The following GPR176 variants were observed in gnomAD, a reference collection of about 807,000 sequenced individuals.
The protein encoded by GPR176 is G-protein coupled receptor 176.
GPR176 carries 26 observed loss-of-function variants against 35.4 expected under a neutral mutation model. That is an observed-to-expected ratio of 0.74 (90% CI 0.54 to 1.02). GPR176 has a LOEUF of 1.02. GPR176 is among the 50% of genes least tolerant of loss of function. The pLI, the probability that GPR176 is intolerant of heterozygous loss-of-function variation, is 0.00. For missense variants in GPR176, 597 were observed against 665.3 expected (o/e 0.90, Z 1.13); for synonymous variants, 278 against 271.3 (o/e 1.02, Z -0.24).
At chr15:39,901,810 A>G (rs1244336756) in intron 1 of GPR176, among the ~76,000 whole-genome samples, 1 of 152,058 alleles carries the variant, frequency 6.6e-6, no homozygotes, top group Non-Finnish European at 1.5e-5. Flanking sequence ...ACGGTGGCTC[A>G]CACCTGTAAT....
chr15:39,829,158 C>A, intron 1 of GPR176: 2 of 1,530,450 alleles, frequency 1.3e-6, no homozygotes, highest in South Asian at 2.4e-5. Flanking sequence ...GGGATGTGAT[C>A]ACTACGTCAC....
rs546024617 is a variant in GPR176 at position 39,870,390 on chromosome 15, T to A, written c.172+49465A>T. Among the ~76,000 whole-genome samples, 4 of 152,340 alleles carry A rather than the reference T, an allele frequency of 2.6e-5. No individual in the cohort carries two copies. In the South Asian group the frequency reaches 8.3e-4, roughly 32 times the overall value. On this transcript the variant is annotated intron_variant, in intron 1 of 2. Coordinates refer to ENST00000561100, the MANE Select transcript of GPR176 (RefSeq NM_007223.3). ...GGGGGCTATAGCAACTCCATCCATT[T>A]CTATTCCCTTCAAGAGAGCAGCAAA... is the stretch of plus-strand genomic sequence containing the variant.
chr15:39,817,948 A>G (rs1274248520), intron 1 of GPR176, among the ~76,000 whole-genome samples: 1 of 152,246 alleles, frequency 6.6e-6, no homozygotes, highest in Non-Finnish European at 1.5e-5. Context: ...TTTTAACAAT[A>G]TTGTTCTTTA....
chr15:39,872,460 G>C (rs975518653), intron 1 of GPR176, among the ~76,000 whole-genome samples: 6 of 152,168 alleles, frequency 3.9e-5, no homozygotes, highest in African/African-American at 1.2e-4. Flanking sequence ...ATTGTTAAGA[G>C]ATCAAAATAG....
chr15:39,870,917 G>A (rs1566957624), intron 1 of GPR176, among the ~76,000 whole-genome samples: 1 of 152,090 alleles, frequency 6.6e-6, no homozygotes, highest in African/African-American at 2.4e-5. Context: ...CCAACAACTT[G>A]AATGGGCTTG....
intron 1 of GPR176, among the ~76,000 whole-genome samples, chr15:39,888,337 G>A (rs371751673): frequency 6.6e-6 from 1 of 152,282 alleles, no homozygotes; most frequent in East Asian, 1.9e-4. Context: ...TCAGGCTGGA[G>A]TGTAGCGACA....
chr15:39,865,512 A>T (rs1408364403), intron 1 of GPR176, among the ~76,000 whole-genome samples: 1 of 152,108 alleles, frequency 6.6e-6, no homozygotes, highest in African/African-American at 2.4e-5. Context: ...GTACACATGG[A>T]GGTAGAGCAT....
chr15:39,808,330 C>T (rs1899328272), intron 1 of GPR176, among the ~76,000 whole-genome samples: 2 of 152,186 alleles, frequency 1.3e-5, no homozygotes. Context: ...CCTTCCTTCC[C>T]CTGGCTTGCT....
chr15:39,884,333 T>C (rs745349546), intron 1 of GPR176, among the ~76,000 whole-genome samples: 18 of 152,180 alleles, frequency 1.2e-4, no homozygotes, highest in Non-Finnish European at 2.2e-4. Context: ...GGAATCTCTC[T>C]ATATCCAAAA....
At chr15:39,909,453 T>A (rs538518329) in intron 1 of GPR176, among the ~76,000 whole-genome samples, 4 of 152,334 alleles carry the variant, frequency 2.6e-5, no homozygotes, top group African/African-American at 9.6e-5. Context: ...ACATAATACT[T>A]TGTAATAAAT....
chr15:39,821,777 G>A (rs1344153470), intron 1 of GPR176, among the ~76,000 whole-genome samples: 1 of 152,158 alleles, frequency 6.6e-6, no homozygotes, highest in African/African-American at 2.4e-5. Context: ...GTAACAGAAA[G>A]AAAAGCTATT....
chr15:39,812,326 G>T (rs1469627921), intron 1 of GPR176, among the ~76,000 whole-genome samples: 1 of 152,200 alleles, frequency 6.6e-6, no homozygotes, highest in Non-Finnish European at 1.5e-5. Flanking sequence ...TCAGCTGCCA[G>T]CACGGCAAGA....
intron 1 of GPR176, among the ~76,000 whole-genome samples, chr15:39,844,703 C>T (rs551708308): frequency 2.6e-5 from 4 of 152,122 alleles, no homozygotes; most frequent in Admixed American, 6.5e-5. Context: ...ACAGAGCACA[C>T]GTTCTAACAA....
chr15:39,807,633 A>AT, intron 1 of GPR176: 1 of 893,932 alleles, frequency 1.1e-6, no homozygotes, highest in Non-Finnish European at 1.8e-6. Context: ...ACTCTGCAAC[A>AT]GAAATACAGT....
intron 2 of GPR176, among the ~76,000 whole-genome samples, chr15:39,802,692 A>G (rs961963261): frequency 6.6e-6 from 1 of 152,234 alleles, no homozygotes; most frequent in African/African-American, 2.4e-5. Context: ...GCTTTAGGGC[A>G]ATTTTCAAAG....
intron 2 of GPR176, among the ~76,000 whole-genome samples, chr15:39,804,340 G>A (rs1417866645): frequency 1.3e-5 from 2 of 152,208 alleles, no homozygotes; most frequent in Non-Finnish European, 2.9e-5. Flanking sequence ...TTCTTCAGGT[G>A]TACATGTGGA....
At position 39,847,273 on chromosome 15, in the gene GPR176, T is replaced by C. The variant is rs117367480; in HGVS notation, c.173-40015A>G. Among the ~76,000 whole-genome samples the C allele has an allele frequency of 8.6e-3, 1,311 of 152,224 alleles. 12 individuals carry two copies. The highest frequency in any genetic ancestry group is 0.014 in the South Asian group (66 of 4,826). ...AAAATAGCAGACTTAAGCCCTAACA[T>C]ATCAATAATCACATTAAATGCAAAT... is the stretch of plus-strand genomic sequence containing the variant. On this transcript the variant is annotated intron_variant, in intron 1 of 2. Coordinates refer to ENST00000561100, the MANE Select transcript of GPR176 (RefSeq NM_007223.3).
chr15:39,821,852 G>A (rs1900293767), intron 1 of GPR176, among the ~76,000 whole-genome samples: 1 of 152,224 alleles, frequency 6.6e-6, no homozygotes, highest in African/African-American at 2.4e-5. Flanking sequence ...CAGCCTCTAA[G>A]ATGGTCAATG....
At chr15:39,848,300 A>T (rs1384532107) in intron 1 of GPR176, among the ~76,000 whole-genome samples, 1 of 152,174 alleles carries the variant, frequency 6.6e-6, no homozygotes, top group Non-Finnish European at 1.5e-5. Context: ...ATATGCATCA[A>T]ACAACAAAAT....
Sources: gnomAD v4.1 joint callset for allele counts (sites outside exome capture counted in the v4.1 genomes callset) on GRCh38, gnomAD v4.1.1 for gene constraint, MANE v1.5 for transcripts, NCBI Gene and HGNC (gene_info 2026-07-23, HGNC 2026-07-21) for gene names.